Variants in CAPN1 observed in about 807,000 individuals in gnomAD.
The protein encoded by CAPN1 is calpain-1 catalytic subunit.
Under a neutral mutation model 105.2 loss-of-function variants are expected in CAPN1, and 77 were observed. The ratio of observed to expected loss-of-function variants is 0.73; its 90% confidence interval spans 0.61 to 0.88. The LOEUF (loss-of-function observed/expected upper bound fraction) is 0.88, where lower values mean the gene tolerates loss of function less well. Among genes scored for constraint, CAPN1 ranks in the 40% least tolerant of loss-of-function variants. CAPN1 has a pLI of 0.00. For missense variants in CAPN1, 833 were observed against 976.6 expected (o/e 0.85, Z 1.96); for synonymous variants, 355 against 388.8 (o/e 0.91, Z 1.02).
chr11:65,210,210 T>A lies in CAPN1; in HGVS notation c.1942+114T>A. ...AGTGGTGACATGGTAACAGCCATCT[T>A]GTCCTTTTCCCCACGGTTACTAGCA... On this transcript the variant is annotated intron_variant, in intron 19 of 21. Coordinates refer to ENST00000279247, the MANE Select transcript of CAPN1 (RefSeq NM_005186.4). The surrounding 1 kb of genome is among the most constrained non-coding windows in gnomAD (Gnocchi z 4.3). 1 of 1,155,188 alleles carries A rather than the reference T, an allele frequency of 8.7e-7. No individual in the cohort carries two copies. The highest frequency in any genetic ancestry group is 1.3e-6 in the Non-Finnish European group (1 of 774,880). The allele number at this position is 1,155,188 out of a possible 1,614,324, so 71.6% of individuals were successfully genotyped here.
chr11:65,200,534 A>G (rs571332929), intron 10 of CAPN1, among the ~76,000 whole-genome samples: 1 of 152,278 alleles, frequency 6.6e-6, no homozygotes, highest in South Asian at 2.1e-4. Flanking sequence ...TAGTAGAGAC[A>G]GGGTTTCACC....
intron 10 of CAPN1, among the ~76,000 whole-genome samples, chr11:65,195,107 T>G (rs1437550602): frequency 1.8e-4 from 26 of 140,716 alleles, no homozygotes; most frequent in Admixed American, 1.6e-3. Context: ...GGGGTTTTTT[T>G]TTTTTTTTTT....
intron 14 of CAPN1, among the ~76,000 whole-genome samples, chr11:65,207,199 CTT>C (rs34786351): frequency 6.2e-5 from 7 of 113,340 alleles, no homozygotes; most frequent in Admixed American, 9.2e-5. Flanking sequence ...AAACTCTTGC[CTT>C]TTTTTTTTTT....
intron 12 of CAPN1, 32 bp from the exon 13 acceptor site, chr11:65,206,431 C>A: frequency 6.3e-7 from 1 of 1,577,606 alleles, no homozygotes; most frequent in Non-Finnish European, 8.7e-7. Context: ...GAGTGGGCAG[C>A]TGCAGCCCTG....
chr11:65,204,737 C>T lies in CAPN1; in HGVS notation c.1220C>T (p.Pro407Leu), dbSNP rs544100208. 1.5e-5 allele frequency: 25 copies of T among 1,613,168 alleles called. No individual in the cohort carries two copies. The highest frequency in any genetic ancestry group is 4.4e-5 in the South Asian group (4 of 91,092). Residue 407 changes from proline to leucine, a missense_variant, in exon 11 of 22, where the codon CCG (proline) becomes CTG (leucine). By Grantham distance (98) the Pro-to-Leu change is moderately conservative. Coordinates refer to ENST00000279247, the MANE Select transcript of CAPN1 (RefSeq NM_005186.4). The stretch of plus-strand genomic sequence containing the variant: ...ATCCGGCTGGATGAGACGGATGACC[C>T]GGACGACTACGGGGACCGCGAGTCA... ...FKIRLDETDD[P>L]DDYGDRESGC...
At chr11:65,202,188 T>C (rs600135) in intron 10 of CAPN1, among the ~76,000 whole-genome samples, 111,542 of 152,042 alleles carry the variant, frequency 0.73, 41,778 homozygotes, top group Middle Eastern at 0.86. Flanking sequence ...TTGCAGGAAC[T>C]TCCTGTTGGA....
Position 65,210,966 on chromosome 11 carries a change from G to A in CAPN1, c.2118+94G>A. 1.7e-6 allele frequency: 2 copies of A among 1,186,420 alleles called. No homozygotes were observed. The highest frequency in any genetic ancestry group is 2.5e-6 in the Non-Finnish European group (2 of 793,404). The allele number at this position is 1,186,420 out of a possible 1,614,324, so 73.5% of individuals were successfully genotyped here. ...GTTCCCTGTCCTTTCCTGGAAATGA[G>A]CCTGGGCCTCAGAGCCAACCCTGAA... is the stretch of plus-strand genomic sequence containing the variant. On this transcript the variant is annotated intron_variant, in intron 21 of 21. Transcript: ENST00000279247. This position sits in a 1 kb window ranked among gnomAD's most constrained non-coding sequence, Gnocchi z 4.3.
At chr11:65,193,276 G>A (rs1268923964) in intron 10 of CAPN1, among the ~76,000 whole-genome samples, 1 of 151,488 alleles carries the variant, frequency 6.6e-6, no homozygotes, top group East Asian at 1.9e-4. Flanking sequence ...ACTGCACCCA[G>A]CCCCCTCTTA....
chr11:65,210,361 C>T lies in CAPN1; in HGVS notation c.1968C>T (p.Tyr656=), dbSNP rs748463379. 9 of 1,612,286 alleles carry T rather than the reference C, an allele frequency of 5.6e-6. No individual in the cohort carries two copies. Among genetic ancestry groups the T allele is most frequent in the Middle Eastern group, 1.6e-4 (1 of 6,062 alleles). ...SAGFKLNKKL[Y]ELIITRYSEP... ...GCTTCAAGCTCAACAAGAAGCTGTACGAGCTCATCATCACCCGCTACTCGG... is the reference window on the plus strand; with the variant it reads ...GCTTCAAGCTCAACAAGAAGCTGTATGAGCTCATCATCACCCGCTACTCGG... The change falls in exon 20 of 22, where the codon TAC becomes TAT. Residue 656 remains tyrosine (Y), a synonymous_variant. Coordinates refer to ENST00000279247, the MANE Select transcript of CAPN1 (RefSeq NM_005186.4). The surrounding 1 kb of genome is among the most constrained non-coding windows in gnomAD (Gnocchi z 4.3).
rs369134305 is a variant in CAPN1 at position 65,209,073 on chromosome 11, G to A, written c.1730-250G>A. Reference sequence around the variant, plus strand: ...GCCCCATCTTTCTACCCAATTTCTCGCTCTTCTGTTTCACACTCATTTCTT... The same window carrying A: ...GCCCCATCTTTCTACCCAATTTCTCACTCTTCTGTTTCACACTCATTTCTT... On this transcript the variant is annotated intron_variant, in intron 16 of 21. Coordinates refer to ENST00000279247, the MANE Select transcript of CAPN1 (RefSeq NM_005186.4). The surrounding 1 kb of genome is among the most constrained non-coding windows in gnomAD (Gnocchi z 4.1). The A allele has an allele frequency of 2.4e-5, 13 of 553,078 alleles. No homozygotes were observed. Among genetic ancestry groups the A allele is most frequent in the Non-Finnish European group, 2.6e-5 (8 of 306,628 alleles). The allele number at this position is 553,078 out of a possible 1,614,324, so 34.3% of individuals were successfully genotyped here. A position where few individuals can be genotyped will look rare whatever the true frequency, so the allele number is the denominator to read the frequency against.
At chr11:65,194,553 C>T in intron 10 of CAPN1, among the ~76,000 whole-genome samples, 1 of 152,112 alleles carries the variant, frequency 6.6e-6, no homozygotes, top group East Asian at 1.9e-4. Context: ...ACCGCCCCCA[C>T]CCCGAAAATC....
At position 65,208,639 on chromosome 11, in the gene CAPN1, C is replaced by T. The variant is rs1333064801; in HGVS notation, c.1729+377C>T. The T allele has an allele frequency of 5.9e-6, 2 of 338,594 alleles. No homozygotes were observed. Among genetic ancestry groups the T allele is most frequent in the South Asian group, 2.6e-5 (1 of 39,066 alleles). 21.0% of individuals were successfully genotyped at this position (338,594 alleles called of 1,614,324 possible). ...CAAAAAAGTACAAAAATTAGCTGGG[C>T]GTGGTGGCATGCACCTATAGTCCCA... On this transcript the variant is annotated intron_variant, in intron 16 of 21. Coordinates refer to ENST00000279247, the MANE Select transcript of CAPN1 (RefSeq NM_005186.4). This position sits in a 1 kb window ranked among gnomAD's most constrained non-coding sequence, Gnocchi z 4.1.
At chr11:65,202,007 T>C (rs935944123) in intron 10 of CAPN1, among the ~76,000 whole-genome samples, 3 of 151,480 alleles carry the variant, frequency 2.0e-5, no homozygotes, top group African/African-American at 7.3e-5. Context: ...ATTTTTTCAG[T>C]AGAGAATGGG....
chr11:65,187,364 T>G, intron 7 of CAPN1, 66 bp downstream of exon 7: 1 of 1,097,050 alleles, frequency 9.1e-7, no homozygotes, highest in Non-Finnish European at 1.4e-6. Context: ...CTTGCCTCTC[T>G]GGCACCTGAC....
intron 10 of CAPN1, among the ~76,000 whole-genome samples, chr11:65,203,879 T>C (rs1019337172): frequency 2.0e-5 from 3 of 152,018 alleles, no homozygotes; most frequent in Non-Finnish European, 4.4e-5. Flanking sequence ...ATCTTTATTA[T>C]TATTATTATT....
In CAPN1 at chr11:65,188,795, C is replaced by G; in HGVS notation, c.1165+49C>G. ...CTTGCTGCTTCCTGGCTTAGGGGCT[C>G]CAGAAGGCACGTCATCTTACTGAGC... is the stretch of plus-strand genomic sequence containing the variant. On this transcript the variant is annotated intron_variant, in intron 10 of 21. Transcript: ENST00000279247. This position sits in a 1 kb window ranked among gnomAD's most constrained non-coding sequence, Gnocchi z 5.5. 1 of 1,472,642 alleles carries G rather than the reference C, an allele frequency of 6.8e-7. No individual in the cohort carries two copies. Among genetic ancestry groups the G allele is most frequent in the Non-Finnish European group, 9.2e-7 (1 of 1,082,868 alleles). 91.2% of individuals were successfully genotyped at this position (1,472,642 alleles called of 1,614,324 possible). A position where few individuals can be genotyped will look rare whatever the true frequency, so the allele number is the denominator to read the frequency against.
At position 65,209,457 on chromosome 11, in the gene CAPN1, C is replaced by A; in HGVS notation, c.1794+70C>A. ...GAGGTATCGGTGCTGGGAGAACTGT[C>A]CCAGGACAGCACAGAGAACAGGACA... On this transcript the variant is annotated intron_variant, in intron 17 of 21. Coordinates refer to ENST00000279247, the MANE Select transcript of CAPN1 (RefSeq NM_005186.4). This position sits in a 1 kb window ranked among gnomAD's most constrained non-coding sequence, Gnocchi z 4.1. 7.7e-7 allele frequency: 1 copy of A among 1,296,044 alleles called. No individual in the cohort carries two copies. Among genetic ancestry groups the A allele is most frequent in the Non-Finnish European group, 1.1e-6 (1 of 904,048 alleles). 80.3% of individuals were successfully genotyped at this position (1,296,044 alleles called of 1,614,324 possible).
At chr11:65,204,601 C>T in intron 10 of CAPN1, 82 bp from the exon 11 acceptor site, 1 of 1,231,722 alleles carries the variant, frequency 8.1e-7, no homozygotes, top group Non-Finnish European at 1.2e-6. Context: ...AATGCGTGCA[C>T]AGGGACGTGC....
At chr11:65,201,348 A>G (rs1396471876) in intron 10 of CAPN1, among the ~76,000 whole-genome samples, 1 of 152,016 alleles carries the variant, frequency 6.6e-6, no homozygotes, top group Non-Finnish European at 1.5e-5. Flanking sequence ...CGGTCTCCCA[A>G]AACACTGGGA....
Sources: allele counts gnomAD v4.1 joint callset (sites outside exome capture counted in the v4.1 genomes callset), GRCh38; gene constraint gnomAD v4.1.1; non-coding constraint Gnocchi (gnomAD v3.1); transcripts MANE v1.5; gene names NCBI Gene and HGNC (gene_info 2026-07-23, HGNC 2026-07-21).